The following ZSCAN26 variants were observed in gnomAD, a reference collection of about 807,000 sequenced individuals.
ZSCAN26 encodes zinc finger and SCAN domain containing 26.
ZSCAN26 carries 26 observed loss-of-function variants against 23.0 expected under a neutral mutation model. The observed-to-expected ratio is 1.13, with a 90% CI of 0.83 to 1.57. The LOEUF (loss-of-function observed/expected upper bound fraction) is 1.57. ZSCAN26 is among the 40% of genes most tolerant of loss of function. ZSCAN26 has a pLI of 0.00. For missense variants in ZSCAN26, 528 were observed against 568.5 expected (o/e 0.93, Z 0.72); for synonymous variants, 180 against 202.5 (o/e 0.89, Z 0.94).
Position 28,276,634 on chromosome 6 carries a change from T to G in ZSCAN26, c.978T>G (p.Leu326=), listed in dbSNP as rs1225517408. The G allele has an allele frequency of 6.2e-7, 1 of 1,612,052 alleles. No individual in the cohort carries two copies. ...CGKVFSQNAG[L]LEHLRIHTGE... Reference sequence around the variant, plus strand: ...AAGTCTTTAGCCAGAATGCAGGCCTTTTGGAACATCTCAGAATTCATACTG... The same window carrying G: ...AAGTCTTTAGCCAGAATGCAGGCCTGTTGGAACATCTCAGAATTCATACTG... Residue 326 remains leucine, a synonymous_variant, in exon 4 of 4, where the codon CTT becomes CTG. Transcript: ENST00000421553.
chr6:28,275,415 CATTT>C (rs765018641), intron 3 of ZSCAN26, among the ~76,000 whole-genome samples: 15 of 152,142 alleles, frequency 9.9e-5, no homozygotes, highest in Non-Finnish European at 2.1e-4. Context: ...GGACACAGGC[CATTT>C]ATTTAGTAAA....
rs1393648227 is a variant in ZSCAN26 at position 28,276,900 on chromosome 6, G to A, written c.1244G>A (p.Arg415Lys). The stretch of plus-strand genomic sequence containing the variant: ...ACCTCAGACCTTATTCGACACCACA[G>A]AATTCATACTGGAGAAAAACCTTTC... ...SLTSDLIRHH[R>K]IHTGEKPFKC... The change falls in exon 4 of 4, where the codon AGA (arginine) becomes AAA (lysine). Residue 415 changes from arginine to lysine, a missense_variant. Coordinates refer to ENST00000421553, the MANE Select transcript of ZSCAN26 (RefSeq NM_001023560.4). The A allele has an allele frequency of 1.2e-6, 2 of 1,613,962 alleles. No individual in the cohort carries two copies. The highest frequency in any genetic ancestry group is 1.7e-6 in the Non-Finnish European group (2 of 1,179,868).
rs547687161 is a variant in ZSCAN26, at chr6:28,276,584, C to A, written c.928C>A (p.Pro310Thr). 8 of 1,613,032 alleles carry A rather than the reference C, an allele frequency of 5.0e-6. No individual in the cohort carries two copies. Among genetic ancestry groups the A allele is most frequent in the African/African-American group, 1.3e-5 (1 of 75,010 alleles). ...TCAGAAAATCCATCTTGGTGAGAAG[C>A]CTTATCAGTGCAATGAGTGTGGCAA... ...RHQKIHLGEK[P>T]YQCNECGKVF... Residue 310 changes from proline to threonine, a missense_variant, in exon 4 of 4, where the codon CCT (proline) becomes ACT (threonine). Coordinates refer to ENST00000421553, the MANE Select transcript of ZSCAN26 (RefSeq NM_001023560.4).
chr6:28,272,456 C>T, intron 2 of ZSCAN26, 117 bp downstream of exon 2: 1 of 1,295,108 alleles, frequency 7.7e-7, no homozygotes, highest in Non-Finnish European at 1.0e-6. Flanking sequence ...AGTTTTTTTC[C>T]AGTCTAGCTG....
chr6:28,271,942 C>T lies in ZSCAN26; in HGVS notation c.23C>T (p.Ala8Val), dbSNP rs896465645. ...GGGATGGCAACAGCATTGGTGAGTG[C>T]CCATTCCCTGGCTCCCCTGAATCTG... Reference protein sequence around the residue: MATALVSAHSLAPLNLKK... With the variant: MATALVSVHSLAPLNLKK... The change falls in exon 2 of 4, where the codon GCC becomes GTC. Residue 8 changes from alanine to valine, a missense_variant. Physicochemically the swap from Ala to Val is moderately conservative, Grantham distance 64. Transcript: ENST00000421553. The T allele has an allele frequency of 3.9e-6, 6 of 1,551,138 alleles. No homozygotes were observed. The African/African-American group carries it at 4.1e-5, about 11-fold the overall frequency.
At position 28,272,326 on chromosome 6, in the gene ZSCAN26, C is replaced by A; in HGVS notation, c.407C>A (p.Thr136Lys). 1 of 1,535,976 alleles carries A rather than the reference C, an allele frequency of 6.5e-7. No individual in the cohort carries two copies. Among genetic ancestry groups the A allele is most frequent in the South Asian group, 1.2e-5 (1 of 80,500 alleles). ...GATTTGCAGCTGGATCTTGGAGAAACAGGACAACAGGTGGTAAGGGTCAGA... is the reference window on the plus strand; with the variant it reads ...GATTTGCAGCTGGATCTTGGAGAAAAAGGACAACAGGTGGTAAGGGTCAGA... ...LEDLQLDLGE[T>K]GQQVDPDQPK... is the part of the protein sequence containing the mutation. Residue 136 changes from threonine to lysine, a missense_variant, in exon 2 of 4, where the codon ACA (threonine) becomes AAA (lysine). Physicochemically the swap from Thr to Lys is moderately conservative, Grantham distance 78. Transcript: ENST00000421553.
intron 1 of ZSCAN26, 32 bp from the exon 2 acceptor site, chr6:28,271,822 T>C (rs538444069): frequency 1.9e-6 from 2 of 1,077,992 alleles, no homozygotes; most frequent in East Asian, 2.6e-5. Context: ...GTACTATTAC[T>C]GTTTCTGTCA....
chr6:28,269,232 T>C (rs529227212), intron 1 of ZSCAN26, among the ~76,000 whole-genome samples: 22 of 152,202 alleles, frequency 1.4e-4, no homozygotes, highest in African/African-American at 5.3e-4. Flanking sequence ...GGCATAGATA[T>C]ATACTGATAT....
intron 1 of ZSCAN26, 49 bp from the exon 2 acceptor site, chr6:28,271,805 G>A: frequency 1.1e-6 from 1 of 918,940 alleles, no homozygotes; most frequent in Non-Finnish European, 1.6e-6. Context: ...TACTGTTCTT[G>A]TTAGCAGTAC....
At position 28,277,271 on chromosome 6, in the gene ZSCAN26, A is replaced by G; in HGVS notation, c.*175A>G. 3.2e-6 allele frequency: 2 copies of G among 626,076 alleles called. No individual in the cohort carries two copies. Among genetic ancestry groups the G allele is most frequent in the South Asian group, 2.0e-5 (1 of 49,484 alleles). 38.8% of individuals were successfully genotyped at this position (626,076 alleles called of 1,614,324 possible). A position where few individuals can be genotyped will look rare whatever the true frequency, so the allele number is the denominator to read the frequency against. ...TCCTTGAAGTCAGCTTTGGACCACA[A>G]TAATTTCACTGTAGATGATATGCTA... On this transcript the variant is annotated 3_prime_UTR_variant, in exon 4 of 4. Transcript: ENST00000421553.
chr6:28,276,216 A>G lies in ZSCAN26; in HGVS notation c.560A>G (p.Asn187Ser). 3 of 1,611,512 alleles carry G rather than the reference A, an allele frequency of 1.9e-6. No individual in the cohort carries two copies. Among genetic ancestry groups the G allele is most frequent in the Non-Finnish European group, 2.5e-6 (3 of 1,178,464 alleles). The change falls in exon 4 of 4, where the codon AAT (asparagine) becomes AGT (serine). Residue 187 changes from asparagine (N) to serine (S), a missense_variant. Asn to Ser is a conservative substitution (Grantham distance 46). Coordinates refer to ENST00000421553, the MANE Select transcript of ZSCAN26 (RefSeq NM_001023560.4). ...GCAGGTGAGGAGACAAGGATTGAGAATGGGAAGCTTATTGTAGTAACAGAC... is the reference window on the plus strand; with the variant it reads ...GCAGGTGAGGAGACAAGGATTGAGAGTGGGAAGCTTATTGTAGTAACAGAC... ...KEKGEETRIE[N>S]GKLIVVTDSC...
intron 3 of ZSCAN26, 82 bp from the exon 4 acceptor site, chr6:28,276,112 TA>T: frequency 7.9e-7 from 1 of 1,269,482 alleles, no homozygotes; most frequent in Non-Finnish European, 1.1e-6. Flanking sequence ...GGCTTCATTA[TA>T]TTTTTTTTTC....
chr6:28,271,318 A>C (rs573073918), intron 1 of ZSCAN26, among the ~76,000 whole-genome samples: 2 of 150,190 alleles, frequency 1.3e-5, no homozygotes, highest in African/African-American at 2.4e-5. Flanking sequence ...GTCTGAAAAA[A>C]CTTTCTCTAT....
intron 3 of ZSCAN26, among the ~76,000 whole-genome samples, chr6:28,274,800 GTTAAAAATGTTATT>G (rs1327899184): frequency 6.6e-6 from 1 of 152,148 alleles, no homozygotes; most frequent in Non-Finnish European, 1.5e-5. Context: ...CTCTGGATCT[GTTAAAAATGTTATT>G]TTATATTCAA....
chr6:28,275,049 G>C (rs137944073), intron 3 of ZSCAN26, among the ~76,000 whole-genome samples: 46 of 152,100 alleles, frequency 3.0e-4, no homozygotes, highest in African/African-American at 1.1e-3. Flanking sequence ...TCCTTTCTCT[G>C]ATGTCTCCTT....
rs1762019941 is a variant in ZSCAN26 at position 28,277,998 on chromosome 6, CAATA to C, written c.*905_*908del. On this transcript the variant is annotated 3_prime_UTR_variant, in exon 4 of 4. Transcript: ENST00000421553. The stretch of plus-strand genomic sequence containing the variant: ...GTTCTGGAATACTTCGGAAGTTAAA[CAATA>C]AAGTCAGCTTGGAGAGGAGATCATG... The C allele has an allele frequency of 6.6e-6, 1 of 152,136 alleles. No individual in the cohort carries two copies. Among genetic ancestry groups the C allele is most frequent in the Non-Finnish European group, 1.5e-5 (1 of 68,028 alleles). 9.4% of individuals were successfully genotyped at this position (152,136 alleles called of 1,614,324 possible). A position where few individuals can be genotyped will look rare whatever the true frequency, so the allele number is the denominator to read the frequency against.
chr6:28,272,322 G>C lies in ZSCAN26; in HGVS notation c.403G>C (p.Glu135Gln). 1.3e-6 allele frequency: 2 copies of C among 1,545,292 alleles called. No individual in the cohort carries two copies. The highest frequency in any genetic ancestry group is 1.7e-6 in the Non-Finnish European group (2 of 1,144,346). ...VLEDLQLDLG[E>Q]TGQQVDPDQP... ...GGAGGATTTGCAGCTGGATCTTGGAGAAACAGGACAACAGGTGGTAAGGGT... is the reference window on the plus strand; with the variant it reads ...GGAGGATTTGCAGCTGGATCTTGGACAAACAGGACAACAGGTGGTAAGGGT... The change falls in exon 2 of 4, where the codon GAA (glutamate) becomes CAA (glutamine). Residue 135 changes from glutamate (E) to glutamine (Q), a missense_variant. By Grantham distance (29) the Glu-to-Gln change is conservative. Coordinates refer to ENST00000421553, the MANE Select transcript of ZSCAN26 (RefSeq NM_001023560.4).
At chr6:28,269,514 G>C (rs1005872349) in intron 1 of ZSCAN26, among the ~76,000 whole-genome samples, 1 of 152,156 alleles carries the variant, frequency 6.6e-6, no homozygotes, top group African/African-American at 2.4e-5. Context: ...GGAGACCCAG[G>C]AGAGCAAATG....
chr6:28,272,327 A>G lies in ZSCAN26; in HGVS notation c.408A>G (p.Thr136=). The G allele has an allele frequency of 6.5e-7, 1 of 1,536,268 alleles. No individual in the cohort carries two copies. ...ATTTGCAGCTGGATCTTGGAGAAAC[A>G]GGACAACAGGTGGTAAGGGTCAGAT... ...LEDLQLDLGE[T]GQQVDPDQPK... is the part of the protein sequence containing the mutation. Residue 136 remains threonine (T), a synonymous_variant, in exon 2 of 4, where the codon ACA becomes ACG. Coordinates refer to ENST00000421553, the MANE Select transcript of ZSCAN26 (RefSeq NM_001023560.4).
Sources: gnomAD v4.1 joint callset for allele counts (sites outside exome capture counted in the v4.1 genomes callset) on GRCh38, gnomAD v4.1.1 for gene constraint, MANE v1.5 for transcripts, NCBI Gene and HGNC (gene_info 2026-07-23, HGNC 2026-07-21) for gene names.